Variants in SLC24A3 observed in about 807,000 individuals in gnomAD.
SLC24A3 encodes the protein solute carrier family 24 member 3.
Under a neutral mutation model 75.8 loss-of-function variants are expected in SLC24A3, and 28 were observed. The observed-to-expected ratio is 0.37, with a 90% confidence interval of 0.27 to 0.51. The LOEUF is 0.51. Among genes scored for constraint, SLC24A3 ranks in the 20% least tolerant of loss-of-function variants. SLC24A3 has a pLI of 0.94. For synonymous variants in SLC24A3, 372 were observed against 334.1 expected, an observed-to-expected ratio of 1.11 and a Z score of -1.24; for missense variants, 663 against 847.8, an observed-to-expected ratio of 0.78 and a Z score of 2.71.
chr20:19,472,847 G>A (rs945537051), intron 2 of SLC24A3, among the ~76,000 whole-genome samples: 10 of 152,204 alleles, frequency 6.6e-5, no homozygotes, highest in African/African-American at 2.4e-4. Context: ...TTGGGCATGC[G>A]GACTTCCTGG....
At chr20:19,334,482 G>A (rs1299485829) in intron 2 of SLC24A3, among the ~76,000 whole-genome samples, 1 of 151,972 alleles carries the variant, frequency 6.6e-6, no homozygotes, top group African/African-American at 2.4e-5. Context: ...TTTTTTCTGA[G>A]CTCTCATATA....
intron 6 of SLC24A3, among the ~76,000 whole-genome samples, chr20:19,597,995 T>C (rs552577324): frequency 1.3e-5 from 2 of 152,346 alleles, no homozygotes; most frequent in African/African-American, 4.8e-5. Context: ...GTTGATTCTA[T>C]ACCTTTGCTA....
At chr20:19,571,196 G>T (rs2031046781) in intron 3 of SLC24A3, among the ~76,000 whole-genome samples, 1 of 152,112 alleles carries the variant, frequency 6.6e-6, no homozygotes. Context: ...GAGGTCCATT[G>T]TCCCCTACTG....
chr20:19,275,481 A>G (rs1983456102), intron 1 of SLC24A3, among the ~76,000 whole-genome samples: 1 of 152,134 alleles, frequency 6.6e-6, no homozygotes, highest in Admixed American at 6.5e-5. Context: ...GCCTGGGGCT[A>G]GTGTTTGGGA....
chr20:19,623,260 C>G (rs2031827286), intron 6 of SLC24A3, among the ~76,000 whole-genome samples: 3 of 152,208 alleles, frequency 2.0e-5, no homozygotes, highest in Admixed American at 2.0e-4. Context: ...GCCCATGTGT[C>G]TATTGCCTAT....
At chr20:19,688,432 G>C (rs185927541) in intron 12 of SLC24A3, among the ~76,000 whole-genome samples, 2 of 152,366 alleles carry the variant, frequency 1.3e-5, no homozygotes, top group African/African-American at 4.8e-5. Flanking sequence ...CCCAGGCCCA[G>C]AATTAGGAAC....
chr20:19,476,273 G>A (rs2122513063), intron 2 of SLC24A3, among the ~76,000 whole-genome samples: 1 of 152,312 alleles, frequency 6.6e-6, no homozygotes, highest in South Asian at 2.1e-4. Flanking sequence ...CTTGCCTCAG[G>A]TGTAAATCCT....
chr20:19,280,857 G>A (rs1289835583), intron 1 of SLC24A3, 102 bp from the exon 2 acceptor site: 4 of 1,484,568 alleles, frequency 2.7e-6, no homozygotes, highest in East Asian at 2.5e-5. Context: ...GTGCAGGCGG[G>A]GCTGAACAAG....
chr20:19,438,184 C>T (rs1017863066), intron 2 of SLC24A3, among the ~76,000 whole-genome samples: 10 of 152,114 alleles, frequency 6.6e-5, no homozygotes, highest in African/African-American at 1.4e-4. Flanking sequence ...GGGCATCAGG[C>T]GCTCAGCTGT....
intron 2 of SLC24A3, among the ~76,000 whole-genome samples, chr20:19,416,742 C>G (rs1209706306): frequency 6.6e-6 from 1 of 152,224 alleles, no homozygotes; most frequent in African/African-American, 2.4e-5. Flanking sequence ...AGAACCTTCA[C>G]TCATTCCCTT....
intron 3 of SLC24A3, among the ~76,000 whole-genome samples, chr20:19,559,357 T>C (rs2030837580): frequency 2.6e-5 from 4 of 152,252 alleles, no homozygotes; most frequent in African/African-American, 2.4e-5. Flanking sequence ...ATTGAATACA[T>C]GTACTTCATA....
chr20:19,463,379 C>T (rs1600239988), intron 2 of SLC24A3, among the ~76,000 whole-genome samples: 1 of 152,222 alleles, frequency 6.6e-6, no homozygotes, highest in Non-Finnish European at 1.5e-5. Context: ...GTTAACATTT[C>T]AGTCTTGGTG....
At chr20:19,569,646 A>G (rs2031018834) in intron 3 of SLC24A3, among the ~76,000 whole-genome samples, 1 of 152,122 alleles carries the variant, frequency 6.6e-6, no homozygotes, top group Non-Finnish European at 1.5e-5. Context: ...GGAGGGCAGG[A>G]GGAGTGAGAG....
chr20:19,226,775 A>G (rs1483421968), intron 1 of SLC24A3, among the ~76,000 whole-genome samples: 4 of 152,192 alleles, frequency 2.6e-5, no homozygotes, highest in African/African-American at 7.2e-5. Context: ...CAAGGTCACA[A>G]AGTTTCTATG....
At chr20:19,228,895 T>C (rs1429933959) in intron 1 of SLC24A3, among the ~76,000 whole-genome samples, 1 of 152,180 alleles carries the variant, frequency 6.6e-6, no homozygotes. Flanking sequence ...CAGGTTTTGG[T>C]GTCAGGATCA....
At chr20:19,411,078 C>T (rs1404384831) in intron 2 of SLC24A3, among the ~76,000 whole-genome samples, 1 of 152,162 alleles carries the variant, frequency 6.6e-6, no homozygotes, top group African/African-American at 2.4e-5. Flanking sequence ...GTGATGTTCC[C>T]CTCTGCCATT....
Position 19,721,062 on chromosome 20 carries a change from T to C in SLC24A3, c.1857T>C (p.Gly619=). 1 of 1,614,054 alleles carries C rather than the reference T, an allele frequency of 6.2e-7. No individual in the cohort carries two copies. Among genetic ancestry groups the C allele is most frequent in the South Asian group, 1.1e-5 (1 of 91,064 alleles). The change falls in exon 17 of 17, where the codon GGT becomes GGC. Residue 619 remains glycine (G), a synonymous_variant. Coordinates refer to ENST00000328041, the MANE Select transcript of SLC24A3 (RefSeq NM_020689.4). ...KLGCGCLLLY[G]VFLCFSIMTE... is the part of the protein sequence containing the mutation. Reference sequence around the variant, plus strand: ...GCTGTGGGTGCCTCCTCCTGTATGGTGTGTTCCTGTGCTTCTCCATCATGA... The same window carrying C: ...GCTGTGGGTGCCTCCTCCTGTATGGCGTGTTCCTGTGCTTCTCCATCATGA...
chr20:19,529,560 C>T (rs553747719), intron 3 of SLC24A3, among the ~76,000 whole-genome samples: 1 of 152,322 alleles, frequency 6.6e-6, no homozygotes, highest in African/African-American at 2.4e-5. Flanking sequence ...TGGATCTCAC[C>T]TTCACATCCA....
chr20:19,532,857 G>A (rs1568646915), intron 3 of SLC24A3, among the ~76,000 whole-genome samples: 2 of 152,222 alleles, frequency 1.3e-5, no homozygotes, highest in Admixed American at 1.3e-4. Flanking sequence ...GCTATTGAGA[G>A]AGCACATTGG....
Sources: gnomAD v4.1 joint callset for allele counts (sites outside exome capture counted in the v4.1 genomes callset) on GRCh38, gnomAD v4.1.1 for gene constraint, MANE v1.5 for transcripts, NCBI Gene and HGNC (gene_info 2026-07-23, HGNC 2026-07-21) for gene names.